Variants in SPTY2D1 observed in about 807,000 individuals in gnomAD.
The protein encoded by SPTY2D1 is protein SPT2 homolog.
A neutral mutation model predicts 64.0 loss-of-function variants in SPTY2D1; 21 were observed. That is an observed-to-expected ratio of 0.33 (90% CI 0.23 to 0.47). The LOEUF (loss-of-function observed/expected upper bound fraction) is 0.47. Ranked by LOEUF, SPTY2D1 falls within the 20% of genes least tolerant of loss-of-function variation. The pLI is 1.00. For missense variants in SPTY2D1, 724 were observed against 837.2 expected (o/e 0.86, Z 1.67); for synonymous variants, 287 against 286.8 (o/e 1.00, Z -0.01).
rs1257356091 is a variant in SPTY2D1, at chr11:18,609,016, T to C, written c.*845A>G. ...AGGAGGGGAGAGCCTCACATGTTACTTCCTTATTTTATAAACTATTACTCT... is the reference window on the plus strand; with the variant it reads ...AGGAGGGGAGAGCCTCACATGTTACCTCCTTATTTTATAAACTATTACTCT... On this transcript the variant is annotated 3_prime_UTR_variant, in exon 6 of 6. Coordinates refer to ENST00000336349, the MANE Select transcript of SPTY2D1 (RefSeq NM_194285.3). The C allele has an allele frequency of 2.0e-5, 3 of 152,082 alleles. No individual in the cohort carries two copies. Among genetic ancestry groups the C allele is most frequent in the Non-Finnish European group, 3.0e-5 (2 of 67,750 alleles). The allele number at this position is 152,082 out of a possible 1,614,324, so 9.4% of individuals were successfully genotyped here.
intron 1 of SPTY2D1, among the ~76,000 whole-genome samples, chr11:18,621,107 C>T (rs1424756025): frequency 6.6e-6 from 1 of 151,210 alleles, no homozygotes; most frequent in Admixed American, 6.6e-5. Flanking sequence ...AGTTCGAGAC[C>T]AGCCTGGTCA....
chr11:18,616,834 T>C (rs769294970), intron 2 of SPTY2D1, 41 bp downstream of exon 2: 22 of 1,587,898 alleles, frequency 1.4e-5, no homozygotes, highest in Non-Finnish European at 1.9e-5. Context: ...ATGGTGAAGA[T>C]GGAATACTTT....
intron 1 of SPTY2D1, among the ~76,000 whole-genome samples, chr11:18,625,816 TC>T (rs1238033250): frequency 0.057 from 8,080 of 140,598 alleles, 832 homozygotes; most frequent in African/African-American, 0.21. Context: ...TCCAACACTT[TC>T]TTTTTTTTTT....
rs181833669 is a variant in SPTY2D1 at position 18,622,749 on chromosome 11, C to T, written c.61-5760G>A. Among the ~76,000 whole-genome samples the T allele has an allele frequency of 5.1e-4, 77 of 151,982 alleles. 1 individual carries two copies. The highest frequency in any genetic ancestry group is 4.9e-3 in the Admixed American group (74 of 15,246). ...GGCAGATCACCTGAGGTCAGGAGTT[C>T]GAGACCAGCCTGATGAACATGATGA... On this transcript the variant is annotated intron_variant, in intron 1 of 5. Coordinates refer to ENST00000336349, the MANE Select transcript of SPTY2D1 (RefSeq NM_194285.3).
intron 1 of SPTY2D1, among the ~76,000 whole-genome samples, chr11:18,624,122 G>A (rs1404384386): frequency 6.6e-6 from 1 of 151,534 alleles, no homozygotes; most frequent in Non-Finnish European, 1.5e-5. Context: ...AATAGACCCT[G>A]GTATCAAAAG....
intron 1 of SPTY2D1, among the ~76,000 whole-genome samples, chr11:18,623,274 A>C (rs1854446393): frequency 6.6e-6 from 1 of 152,210 alleles, no homozygotes; most frequent in African/African-American, 2.4e-5. Context: ...AGTATAACCA[A>C]CACCACCATC....
At chr11:18,616,391 TATTA>T (rs953667582) in intron 2 of SPTY2D1, among the ~76,000 whole-genome samples, 2 of 152,212 alleles carry the variant, frequency 1.3e-5, no homozygotes, top group African/African-American at 2.4e-5. Flanking sequence ...TAGTAGTTGT[TATTA>T]ATTATGATTC....
At chr11:18,610,667 T>TA (rs58363516) in intron 5 of SPTY2D1, among the ~76,000 whole-genome samples, 11,007 of 96,422 alleles carry the variant, frequency 0.11, 941 homozygotes, top group East Asian at 0.35. Context: ...CCCTGTCTCT[T>TA]AAAAAAAAAA....
rs1307579375 is a variant in SPTY2D1, at chr11:18,608,621, T to C, written c.*1240A>G. 1 of 152,268 alleles carries C rather than the reference T, an allele frequency of 6.6e-6. No individual in the cohort carries two copies. The highest frequency in any genetic ancestry group is 2.4e-5 in the African/African-American group (1 of 41,464). 9.4% of individuals were successfully genotyped at this position (152,268 alleles called of 1,614,324 possible). ...TTCTGTTGCTGACAGTTCTTGAGAC[T>C]TGGCTTCCTTCCAGCATGATCCTAA... On this transcript the variant is annotated 3_prime_UTR_variant, in exon 6 of 6. Coordinates refer to ENST00000336349, the MANE Select transcript of SPTY2D1 (RefSeq NM_194285.3).
rs999565159 is a variant in SPTY2D1 at position 18,634,325 on chromosome 11, G to A, written c.-68C>T. On this transcript the variant is annotated 5_prime_UTR_variant, in exon 1 of 6. Transcript: ENST00000336349. ...GACTGACAGCGCACCTAACCGAGGCGCCCAGCTACAGCCAACTGCACTGCC... is the reference window on the plus strand; with the variant it reads ...GACTGACAGCGCACCTAACCGAGGCACCCAGCTACAGCCAACTGCACTGCC... The A allele has an allele frequency of 1.1e-5, 17 of 1,557,626 alleles. No homozygotes were observed. The African/African-American group carries it at 1.4e-4, about 12-fold the overall frequency.
chr11:18,615,825 G>C lies in SPTY2D1; in HGVS notation c.449C>G (p.Pro150Arg). Residue 150 changes from proline (P) to arginine (R), a missense_variant, in exon 3 of 6, where the codon CCC becomes CGC. This residue lies in a region of SPTY2D1 where 179 missense variants were observed against 232.5 expected (regional missense o/e 0.77). Coordinates refer to ENST00000336349, the MANE Select transcript of SPTY2D1 (RefSeq NM_194285.3). ...EQEYEEEQEP[P>R]KVESKPKVPL... ...GACCTTTGGTTTGCTTTCAACTTTG[G>C]GAGGTTCTTGCTCTTCCTCATACTC... 6.2e-7 allele frequency: 1 copy of C among 1,613,978 alleles called. No individual in the cohort carries two copies. The highest frequency in any genetic ancestry group is 8.5e-7 in the Non-Finnish European group (1 of 1,179,988).
In SPTY2D1 at chr11:18,633,089, G is replaced by A. The variant is rs149930451; in HGVS notation, c.60+1109C>T. Among the ~76,000 whole-genome samples the A allele has an allele frequency of 5.0e-4, 76 of 152,236 alleles. 1 individual carries two copies. The East Asian group carries it at 0.014, about 28-fold the overall frequency. ...TGGTTATTCAGAGTTCTTGGGATAAGGGATGGCTGTGTGTGTGTATATATA... is the reference window on the plus strand; with the variant it reads ...TGGTTATTCAGAGTTCTTGGGATAAAGGATGGCTGTGTGTGTGTATATATA... On this transcript the variant is annotated intron_variant, in intron 1 of 5. Transcript: ENST00000336349.
rs552634946 is a variant in SPTY2D1 at position 18,623,642 on chromosome 11, A to C, written c.61-6653T>G. ...ATGCCAATGAAGGCATAAGAGCAAAACCCGAGGCTTCTAAGAAAAGGAGTT... is the reference window on the plus strand; with the variant it reads ...ATGCCAATGAAGGCATAAGAGCAAACCCCGAGGCTTCTAAGAAAAGGAGTT... On this transcript the variant is annotated intron_variant, in intron 1 of 5. Transcript: ENST00000336349. Among the ~76,000 whole-genome samples, 3 of 152,304 alleles carry C rather than the reference A, an allele frequency of 2.0e-5. No individual in the cohort carries two copies. In the East Asian group the frequency reaches 5.8e-4, roughly 29 times the overall value.
intron 1 of SPTY2D1, 105 bp downstream of exon 1, chr11:18,634,093 C>T (rs1015496121): frequency 6.1e-6 from 8 of 1,301,150 alleles, no homozygotes; most frequent in Admixed American, 5.6e-5. Context: ...CGGGTCTTTC[C>T]TCTCCCGGAG....
rs990088552 is a variant in SPTY2D1 at position 18,607,247 on chromosome 11, A to G, written c.*2614T>C. 6.5e-6 allele frequency: 1 copy of G among 153,660 alleles called. No individual in the cohort carries two copies. The highest frequency in any genetic ancestry group is 6.5e-5 in the Admixed American group (1 of 15,276). 9.5% of individuals were successfully genotyped at this position (153,660 alleles called of 1,614,324 possible). A position where few individuals can be genotyped will look rare whatever the true frequency, so the allele number is the denominator to read the frequency against. On this transcript the variant is annotated 3_prime_UTR_variant, in exon 6 of 6. Coordinates refer to ENST00000336349, the MANE Select transcript of SPTY2D1 (RefSeq NM_194285.3). Reference sequence around the variant, plus strand: ...TGTGACATGTGGTACCCTGGCCTCCAACTGGACACAACTGCATTTATAGTT... The same window carrying G: ...TGTGACATGTGGTACCCTGGCCTCCGACTGGACACAACTGCATTTATAGTT...
In SPTY2D1 at chr11:18,634,182, C is replaced by A; in HGVS notation, c.60+16G>T. The A allele has an allele frequency of 2.5e-6, 4 of 1,614,152 alleles. No homozygotes were observed. The highest frequency in any genetic ancestry group is 3.4e-6 in the Non-Finnish European group (4 of 1,179,994). The stretch of plus-strand genomic sequence containing the variant: ...AGACTAGGGTCCCCTACATTGATGC[C>A]CCAGCTGCTACTTACCGGCACATTG... On this transcript the variant is annotated intron_variant, in intron 1 of 5. Transcript: ENST00000336349.
At position 18,606,795 on chromosome 11, in the gene SPTY2D1, A is replaced by G. The variant is rs930482518; in HGVS notation, c.*3066T>C. ...AATAGCTGCTTTTAAGTTACAAAATACAAAACAACAATTTATTTCTTGGAG... is the reference window on the plus strand; with the variant it reads ...AATAGCTGCTTTTAAGTTACAAAATGCAAAACAACAATTTATTTCTTGGAG... On this transcript the variant is annotated 3_prime_UTR_variant, in exon 6 of 6. Coordinates refer to ENST00000336349, the MANE Select transcript of SPTY2D1 (RefSeq NM_194285.3). 2.8e-5 allele frequency: 11 copies of G among 386,384 alleles called. No homozygotes were observed. Among genetic ancestry groups the G allele is most frequent in the Non-Finnish European group, 5.4e-5 (11 of 203,592 alleles). The allele number at this position is 386,384 out of a possible 1,614,324, so 23.9% of individuals were successfully genotyped here. A position where few individuals can be genotyped will look rare whatever the true frequency, so the allele number is the denominator to read the frequency against.
intron 1 of SPTY2D1, among the ~76,000 whole-genome samples, chr11:18,627,258 C>CAAAAAA (rs1192277676): frequency 2.1e-5 from 1 of 48,736 alleles, no homozygotes; most frequent in Non-Finnish European, 4.3e-5. Flanking sequence ...ACTAAAAATA[C>CAAAAAA]AAAAAAAAAA....
rs1854259381 is a variant in SPTY2D1, at chr11:18,614,655, T to A, written c.1619A>T (p.Glu540Val). The A allele has an allele frequency of 6.2e-7, 1 of 1,614,256 alleles. No homozygotes were observed. The highest frequency in any genetic ancestry group is 8.5e-7 in the Non-Finnish European group (1 of 1,180,040). Residue 540 changes from glutamate to valine, a missense_variant, in exon 3 of 6, where the codon GAA (glutamate) becomes GTA (valine). Glu to Val is a moderately radical substitution (Grantham distance 121). Around this residue, in one of 3 missense-constraint regions of SPTY2D1, gnomAD observed 426 missense variants for 431.8 expected, o/e 0.99. Transcript: ENST00000336349. ...AATGATATTCTTGGAAGAAATTGTT[T>A]CGGAGACAACAGTGCACTTAGGCTT... is the stretch of plus-strand genomic sequence containing the variant. ...TIKPKCTVVS[E>V]TISSKNIISR...
Sources: allele counts gnomAD v4.1 joint callset (sites outside exome capture counted in the v4.1 genomes callset), GRCh38; gene constraint gnomAD v4.1.1; regional missense constraint gnomAD v4.1.1; transcripts MANE v1.5; gene names NCBI Gene and HGNC (gene_info 2026-07-23, HGNC 2026-07-21).